Variants in RPS6KC1 observed in about 807,000 individuals in gnomAD.
RPS6KC1 encodes ribosomal protein S6 kinase C1, also known as inactive ribosomal protein S6 kinase delta-1.
In RPS6KC1, 54 loss-of-function variants were observed where a neutral mutation model predicts 103.8. That is an observed-to-expected ratio of 0.52 (90% CI 0.42 to 0.65). The LOEUF (loss-of-function observed/expected upper bound fraction) is 0.65. Among genes scored for constraint, RPS6KC1 ranks in the 30% least tolerant of loss-of-function variants. The pLI is 0.00. For missense variants in RPS6KC1, 1,151 were observed against 1,253.8 expected, an observed-to-expected ratio of 0.92 and a Z score of 1.24; for synonymous variants, 439 against 438.7, an observed-to-expected ratio of 1.00 and a Z score of -0.01.
the RPS6KC1 span, among the ~76,000 whole-genome samples, chr1:213,607,931 C>G: frequency 3.3e-5 from 5 of 152,114 alleles, no homozygotes; most frequent in South Asian, 2.1e-4. Context: ...TCTCAGTTCT[C>G]CCATCCATGG....
chr1:213,566,735 TG>T, the RPS6KC1 span, among the ~76,000 whole-genome samples: 1 of 151,974 alleles, frequency 6.6e-6, no homozygotes, highest in Non-Finnish European at 1.5e-5. Context: ...ACTATGACTA[TG>T]TTTTTTTTTG....
At chr1:213,449,594 A>G in the RPS6KC1 span, among the ~76,000 whole-genome samples, 1 of 152,128 alleles carries the variant, frequency 6.6e-6, no homozygotes, top group East Asian at 1.9e-4. Flanking sequence ...CCATATCTCC[A>G]AATATAGTCT....
At chr1:213,686,229 T>C in the RPS6KC1 span, among the ~76,000 whole-genome samples, 1 of 152,258 alleles carries the variant, frequency 6.6e-6, no homozygotes, top group Non-Finnish European at 1.5e-5. Flanking sequence ...AGCCTTTTTG[T>C]AGGCCTTCTT....
At chr1:213,126,768 G>A (rs1407328523) in intron 5 of RPS6KC1, among the ~76,000 whole-genome samples, 2 of 152,120 alleles carry the variant, frequency 1.3e-5, no homozygotes, top group East Asian at 1.9e-4. Context: ...AAGTTTTACT[G>A]GAACACAGCC....
the RPS6KC1 span, among the ~76,000 whole-genome samples, chr1:213,642,281 G>C: frequency 6.6e-6 from 1 of 152,036 alleles, no homozygotes; most frequent in African/African-American, 2.4e-5. Flanking sequence ...TCCTCTAGTG[G>C]GCCAGACATT....
the RPS6KC1 span, among the ~76,000 whole-genome samples, chr1:213,388,394 G>A: frequency 6.6e-6 from 1 of 152,230 alleles, no homozygotes; most frequent in Admixed American, 6.5e-5. Flanking sequence ...ATGGGAGCTG[G>A]ATAGGCATGT....
the RPS6KC1 span, among the ~76,000 whole-genome samples, chr1:213,412,889 C>T: frequency 6.6e-6 from 1 of 152,208 alleles, no homozygotes; most frequent in Admixed American, 6.5e-5. Context: ...AGAAACACTC[C>T]CCCCAGCCAC....
intron 5 of RPS6KC1, among the ~76,000 whole-genome samples, chr1:213,129,004 TA>T (rs2085294971): frequency 6.6e-6 from 1 of 152,184 alleles, no homozygotes; most frequent in Non-Finnish European, 1.5e-5. Flanking sequence ...CAGTAAGTTT[TA>T]AGAGCTGGCG....
the RPS6KC1 span, among the ~76,000 whole-genome samples, chr1:213,412,090 G>A: frequency 6.6e-6 from 1 of 152,332 alleles, no homozygotes; most frequent in Non-Finnish European, 1.5e-5. Context: ...GGAAGCCTGG[G>A]TGGGCAGAGG....
chr1:213,547,038 G>C, the RPS6KC1 span, among the ~76,000 whole-genome samples: 1 of 152,108 alleles, frequency 6.6e-6, no homozygotes, highest in African/African-American at 2.4e-5. Flanking sequence ...CTAGTTTTGA[G>C]AAATGATTCT....
At chr1:213,312,240 C>T in the RPS6KC1 span, among the ~76,000 whole-genome samples, 8 of 140,912 alleles carry the variant, frequency 5.7e-5, no homozygotes, top group East Asian at 1.0e-3. Context: ...GCTTGGGGCA[C>T]CTCCCAGTGC....
chr1:213,399,924 C>T, the RPS6KC1 span, among the ~76,000 whole-genome samples: 1 of 152,052 alleles, frequency 6.6e-6, no homozygotes, highest in Non-Finnish European at 1.5e-5. Context: ...TGTTGTCACT[C>T]AGGAATGCAG....
the RPS6KC1 span, among the ~76,000 whole-genome samples, chr1:213,446,388 C>T: frequency 6.6e-6 from 1 of 152,146 alleles, no homozygotes; most frequent in Admixed American, 6.5e-5. Flanking sequence ...GGGATTGGCT[C>T]ATGCAATGGT....
At chr1:213,263,496 G>C (rs2094845282) in intron 14 of RPS6KC1, among the ~76,000 whole-genome samples, 1 of 152,198 alleles carries the variant, frequency 6.6e-6, no homozygotes, top group African/African-American at 2.4e-5. Context: ...CCATTGCTGG[G>C]CTATCAGCAG....
the RPS6KC1 span, among the ~76,000 whole-genome samples, chr1:213,552,366 T>A: frequency 6.6e-6 from 1 of 152,224 alleles, no homozygotes; most frequent in Non-Finnish European, 1.5e-5. Flanking sequence ...TTGCTTCACA[T>A]CCTTGCCAGC....
At chr1:213,497,324 A>C in the RPS6KC1 span, among the ~76,000 whole-genome samples, 3 of 152,124 alleles carry the variant, frequency 2.0e-5, no homozygotes, top group African/African-American at 4.8e-5. Context: ...TGTATGGTAC[A>C]GGCTGTTTTC....
the RPS6KC1 span, among the ~76,000 whole-genome samples, chr1:213,407,676 T>C: frequency 6.6e-6 from 1 of 152,246 alleles, no homozygotes; most frequent in African/African-American, 2.4e-5. Context: ...ACATTTTTGT[T>C]CTAGTGTTTT....
At chr1:213,082,507 C>T (rs1233961193) in intron 3 of RPS6KC1, among the ~76,000 whole-genome samples, 1 of 151,992 alleles carries the variant, frequency 6.6e-6, no homozygotes, top group African/African-American at 2.4e-5. Flanking sequence ...GTGAGGTTTC[C>T]CAAAGAAGTT....
chr1:213,157,641 A>T (rs1001729040), intron 6 of RPS6KC1, among the ~76,000 whole-genome samples: 4 of 152,222 alleles, frequency 2.6e-5, no homozygotes, highest in African/African-American at 9.6e-5. Context: ...GTGTGTGCTT[A>T]TAAGAAGCAT....
Sources: allele counts gnomAD v4.1 joint callset (sites outside exome capture counted in the v4.1 genomes callset), GRCh38; gene constraint gnomAD v4.1.1; transcripts MANE v1.5; gene names NCBI Gene and HGNC (gene_info 2026-07-23, HGNC 2026-07-21).